Variants in SLC9A9 observed in about 807,000 individuals in gnomAD.
SLC9A9 encodes solute carrier family 9 member A9.
Under a neutral mutation model 77.8 loss-of-function variants are expected in SLC9A9, and 62 were observed. The observed-to-expected ratio is 0.80, with a 90% CI of 0.65 to 0.98. The LOEUF (loss-of-function observed/expected upper bound fraction) is 0.98. Among genes scored for constraint, SLC9A9 ranks in the 50% least tolerant of loss-of-function variants. The pLI is 0.00. For synonymous variants in SLC9A9, 320 were observed against 283.5 expected, an observed-to-expected ratio of 1.13 and a Z score of -1.29; for missense variants, 775 against 774.9, an observed-to-expected ratio of 1.00 and a Z score of 0.00.
chr3:143,449,025 A>T (rs867481547), intron 12 of SLC9A9, among the ~76,000 whole-genome samples: 2 of 43,610 alleles, frequency 4.6e-5, no homozygotes, highest in African/African-American at 2.9e-4. Flanking sequence ...AATTATAATT[A>T]TATAATTATA....
chr3:143,374,971 T>C (rs746964940), intron 13 of SLC9A9, among the ~76,000 whole-genome samples: 33 of 152,212 alleles, frequency 2.2e-4, no homozygotes, highest in Admixed American at 1.4e-3. Context: ...ATCCTTCTAC[T>C]CTCTAGATCC....
chr3:143,444,919 G>A (rs544435637), intron 12 of SLC9A9, among the ~76,000 whole-genome samples: 25 of 152,274 alleles, frequency 1.6e-4, no homozygotes, highest in African/African-American at 4.3e-4. Flanking sequence ...TCAGGGTTCC[G>A]TCTACCCCTG....
chr3:143,707,362 T>C (rs1370798435), intron 4 of SLC9A9, among the ~76,000 whole-genome samples: 1 of 103,676 alleles, frequency 9.6e-6, no homozygotes, highest in East Asian at 3.1e-4. Context: ...TTATATATTT[T>C]AAAATCTACA....
intron 2 of SLC9A9, among the ~76,000 whole-genome samples, chr3:143,813,841 A>G (rs1182100181): frequency 6.6e-6 from 1 of 152,174 alleles, no homozygotes; most frequent in African/African-American, 2.4e-5. Flanking sequence ...CCTAGTCAAA[A>G]ATATATACAT....
chr3:143,757,618 A>C (rs1179820359), intron 4 of SLC9A9, among the ~76,000 whole-genome samples: 1 of 152,108 alleles, frequency 6.6e-6, no homozygotes, highest in African/African-American at 2.4e-5. Flanking sequence ...TGCTTCAGAA[A>C]ACTAAAAATG....
intron 6 of SLC9A9, among the ~76,000 whole-genome samples, chr3:143,597,772 AG>A (rs1222172809): frequency 6.6e-6 from 1 of 152,222 alleles, no homozygotes; most frequent in Non-Finnish European, 1.5e-5. Context: ...ACTTACTGGC[AG>A]GCAGGAGCCA....
chr3:143,836,094 T>C (rs2009560074), intron 1 of SLC9A9, among the ~76,000 whole-genome samples: 1 of 152,204 alleles, frequency 6.6e-6, no homozygotes, highest in South Asian at 2.1e-4. Context: ...ACAATGGACT[T>C]CATTCCTAAA....
At chr3:143,277,591 C>A (rs1165080989) in intron 14 of SLC9A9, among the ~76,000 whole-genome samples, 2 of 152,182 alleles carry the variant, frequency 1.3e-5, no homozygotes, top group Non-Finnish European at 2.9e-5. Flanking sequence ...TTGCCACCTA[C>A]CAGATACAGA....
At chr3:143,385,631 C>A (rs1277105156) in intron 12 of SLC9A9, among the ~76,000 whole-genome samples, 3 of 152,232 alleles carry the variant, frequency 2.0e-5, no homozygotes, top group African/African-American at 7.2e-5. Flanking sequence ...TGAGCATCCA[C>A]TTTTGTGCAC....
intron 14 of SLC9A9, among the ~76,000 whole-genome samples, chr3:143,359,985 C>T (rs945170615): frequency 2.6e-5 from 4 of 152,114 alleles, no homozygotes; most frequent in Non-Finnish European, 5.9e-5. Context: ...GTAAGGAGTC[C>T]TAATTATTCA....
At chr3:143,389,309 G>A (rs946254678) in intron 12 of SLC9A9, among the ~76,000 whole-genome samples, 1 of 152,180 alleles carries the variant, frequency 6.6e-6, no homozygotes, top group African/African-American at 2.4e-5. Flanking sequence ...GTAGTCTACT[G>A]TAATGGTCCA....
chr3:143,282,444 G>A (rs1484244619), intron 14 of SLC9A9, among the ~76,000 whole-genome samples: 1 of 152,200 alleles, frequency 6.6e-6, no homozygotes, highest in East Asian at 1.9e-4. Flanking sequence ...ATTTATGCTT[G>A]AAGCCTGTTG....
At chr3:143,504,695 A>C (rs1271577749) in intron 9 of SLC9A9, among the ~76,000 whole-genome samples, 1 of 152,242 alleles carries the variant, frequency 6.6e-6, no homozygotes, top group Non-Finnish European at 1.5e-5. Context: ...GTACTAAGAA[A>C]TGTATTAAAA....
chr3:143,408,220 C>T (rs1015888021), intron 12 of SLC9A9, among the ~76,000 whole-genome samples: 1 of 152,184 alleles, frequency 6.6e-6, no homozygotes. Context: ...GGATGTGATT[C>T]AGTCCATAGC....
intron 4 of SLC9A9, among the ~76,000 whole-genome samples, chr3:143,747,917 G>A (rs756807282): frequency 9.9e-5 from 15 of 152,024 alleles, no homozygotes; most frequent in African/African-American, 3.6e-4. Flanking sequence ...GGTAGGGAGC[G>A]CTCCCATCTA....
In SLC9A9 at chr3:143,266,865, T is replaced by C; in HGVS notation, c.1775A>G (p.Gln592Arg). The C allele has an allele frequency of 6.2e-7, 1 of 1,614,198 alleles. No individual in the cohort carries two copies. Among genetic ancestry groups the C allele is most frequent in the South Asian group, 1.1e-5 (1 of 91,078 alleles). ...ACTGCAGGGTGAGGAGGCTTGCTCC[T>C]GGTAATTTATGGCTAGTTCATCCTG... ...VNQDELAINY[Q>R]EQASSPCSPP... Residue 592 changes from glutamine to arginine, a missense_variant, in exon 16 of 16, where the codon CAG becomes CGG. By Grantham distance (43) the Gln-to-Arg change is conservative. Transcript: ENST00000316549.
chr3:143,442,865 GT>G (rs1479603251), intron 12 of SLC9A9, among the ~76,000 whole-genome samples: 2 of 152,210 alleles, frequency 1.3e-5, no homozygotes, highest in Non-Finnish European at 2.9e-5. Flanking sequence ...ACATGATGTT[GT>G]GTAAGAAAAC....
Position 143,677,682 on chromosome 3 carries a change from A to G in SLC9A9, c.649+15510T>C, listed in dbSNP as rs1193825177. 2.0e-5 allele frequency among the ~76,000 whole-genome samples: 3 copies of G among 152,250 alleles called. No homozygotes were observed. In the East Asian group the frequency reaches 5.8e-4, roughly 29 times the overall value. ...CCAGCAATGACTGTTACTTGGTATTATAATTGTTGCCAAACTGTTAGGGGT... is the reference window on the plus strand; with the variant it reads ...CCAGCAATGACTGTTACTTGGTATTGTAATTGTTGCCAAACTGTTAGGGGT... On this transcript the variant is annotated intron_variant, in intron 5 of 15. Coordinates refer to ENST00000316549, the MANE Select transcript of SLC9A9 (RefSeq NM_173653.4).
chr3:143,566,559 T>C (rs1453775922), intron 8 of SLC9A9, among the ~76,000 whole-genome samples: 2 of 151,938 alleles, frequency 1.3e-5, no homozygotes, highest in Admixed American at 1.3e-4. Context: ...TTTCTTCATA[T>C]TTCTGGATGC....
Sources: allele counts gnomAD v4.1 joint callset (sites outside exome capture counted in the v4.1 genomes callset), GRCh38; gene constraint gnomAD v4.1.1; transcripts MANE v1.5; gene names NCBI Gene and HGNC (gene_info 2026-07-23, HGNC 2026-07-21).